The following ANK2 variants were observed in gnomAD, a reference collection of about 807,000 sequenced individuals.
The protein encoded by ANK2 is ankyrin 2, also known as ankyrin-2.
A neutral mutation model predicts 360.5 loss-of-function variants in ANK2; 83 were observed. That is an observed-to-expected ratio of 0.23 (90% CI 0.19 to 0.28). ANK2 has a LOEUF of 0.28. Ranked by LOEUF, ANK2 falls within the 10% of genes least tolerant of loss-of-function variation. ANK2 has a pLI of 1.00. For missense variants in ANK2, 4,201 were observed against 4,795.7 expected, an observed-to-expected ratio of 0.88 and a Z score of 3.66; for synonymous variants, 1,740 against 1,759.5, an observed-to-expected ratio of 0.99 and a Z score of 0.28.
intron 1 of ANK2, among the ~76,000 whole-genome samples, chr4:112,893,265 C>T (rs974981378): frequency 3.3e-5 from 5 of 152,142 alleles, no homozygotes; most frequent in African/African-American, 1.2e-4. Context: ...GAGATCCTCT[C>T]ACCTCAGCAT....
chr4:112,781,318 G>A, the ANK2 span, among the ~76,000 whole-genome samples: 7 of 151,992 alleles, frequency 4.6e-5, no homozygotes, highest in Non-Finnish European at 1.0e-4. Context: ...CAGGCTGCTC[G>A]TGAACTCCAG....
intron 1 of ANK2, among the ~76,000 whole-genome samples, chr4:112,861,963 G>A (rs936903988): frequency 2.0e-5 from 3 of 152,248 alleles, no homozygotes; most frequent in East Asian, 3.9e-4. Flanking sequence ...AAATGGCACC[G>A]AGTCCAAACC....
intron 2 of ANK2, among the ~76,000 whole-genome samples, chr4:112,957,715 G>C (rs570142961): frequency 6.7e-6 from 1 of 149,378 alleles, no homozygotes; most frequent in African/African-American, 2.5e-5. Context: ...CCTCCCTCCC[G>C]GACGGGGTGG....
the ANK2 span, among the ~76,000 whole-genome samples, chr4:112,779,492 C>G: frequency 4.6e-5 from 7 of 151,810 alleles, no homozygotes; most frequent in African/African-American, 1.7e-4. Flanking sequence ...GCACTCCAGC[C>G]TGGGCGACAG....
chr4:113,198,102 T>A (rs80018798), intron 3 of ANK2, among the ~76,000 whole-genome samples: 8,933 of 152,300 alleles, frequency 0.059, 883 homozygotes, highest in African/African-American at 0.2. Flanking sequence ...TATTTTTGCC[T>A]GCTTAAGTGT....
chr4:113,014,631 C>T (rs2055915875), intron 2 of ANK2, among the ~76,000 whole-genome samples: 1 of 152,058 alleles, frequency 6.6e-6, no homozygotes, highest in South Asian at 2.1e-4. Context: ...GCTTTGCTGG[C>T]CCAGAATCTT....
intron 1 of ANK2, among the ~76,000 whole-genome samples, chr4:113,135,672 A>G (rs889655486): frequency 1.3e-5 from 2 of 152,158 alleles, no homozygotes; most frequent in African/African-American, 4.8e-5. Flanking sequence ...TGAAATATCC[A>G]TGATGTGATC....
chr4:113,242,186 G>A lies in ANK2; in HGVS notation c.868G>A (p.Gly290Ser), dbSNP rs761620495. 31 of 1,613,710 alleles carry A rather than the reference G, an allele frequency of 1.9e-5. No homozygotes were observed. The highest frequency in any genetic ancestry group is 2.2e-5 in the South Asian group (2 of 91,068). ...NMVKLLLDRG[G>S]QIDAKTRDGL... ...GGTGAAGCTCTTACTGGATCGAGGC[G>A]GTCAGATCGATGCCAAAACTAGGGT... Residue 290 changes from glycine (G) to serine (S), a missense_variant, in exon 9 of 46, where the codon GGT (glycine) becomes AGT (serine). Transcript: ENST00000357077.
intron 2 of ANK2, among the ~76,000 whole-genome samples, chr4:112,907,715 T>C (rs575326317): frequency 6.6e-5 from 10 of 152,348 alleles, no homozygotes; most frequent in South Asian, 6.2e-4. Flanking sequence ...TAACCTAAAG[T>C]ATAAATTCTT....
At chr4:112,854,032 A>T (rs547525570) in intron 1 of ANK2, among the ~76,000 whole-genome samples, 1 of 152,222 alleles carries the variant, frequency 6.6e-6, no homozygotes, top group Non-Finnish European at 1.5e-5. Flanking sequence ...GTATAGGGAG[A>T]TGTACCTGTA....
intron 2 of ANK2, among the ~76,000 whole-genome samples, chr4:113,028,241 C>T (rs2059677556): frequency 6.6e-6 from 1 of 152,024 alleles, no homozygotes; most frequent in Admixed American, 6.6e-5. Flanking sequence ...AGAGGCTTCT[C>T]AGAGGTAATG....
At chr4:113,100,692 C>T (rs1055981681) in intron 1 of ANK2, among the ~76,000 whole-genome samples, 2 of 152,036 alleles carry the variant, frequency 1.3e-5, no homozygotes, top group African/African-American at 4.8e-5. Context: ...TTTACAGCAG[C>T]TTTATTCATA....
chr4:113,287,954 CCT>C (rs1271752777), intron 19 of ANK2, among the ~76,000 whole-genome samples: 5 of 152,204 alleles, frequency 3.3e-5, no homozygotes, highest in Admixed American at 6.5e-5. Context: ...TTAAGTCTAT[CCT>C]CTCTCTTACT....
intron 1 of ANK2, among the ~76,000 whole-genome samples, chr4:113,138,103 T>C (rs2096506021): frequency 6.6e-6 from 1 of 152,218 alleles, no homozygotes; most frequent in Admixed American, 6.5e-5. Context: ...GTATGAATAA[T>C]ATATGAAGGA....
At chr4:112,756,743 C>T in the ANK2 span, among the ~76,000 whole-genome samples, 26 of 152,248 alleles carry the variant, frequency 1.7e-4, no homozygotes, top group South Asian at 4.2e-3. Context: ...GAGGCCAAGG[C>T]GGGTGGATCC....
At chr4:112,795,517 T>C in the ANK2 span, among the ~76,000 whole-genome samples, 2 of 152,152 alleles carry the variant, frequency 1.3e-5, no homozygotes, top group African/African-American at 4.8e-5. Context: ...TTTTTTTTAT[T>C]TTCCGAGATG....
At chr4:112,810,145 ATATATATATATATATTTTTTT>A in the ANK2 span, among the ~76,000 whole-genome samples, 11,304 of 56,638 alleles carry the variant, frequency 0.2, 791 homozygotes, top group African/African-American at 0.35. Flanking sequence ...ATATATATAT[ATATATATATATATATTTTTTT>A]TTTTTTTTTT....
chr4:113,287,456 C>T (rs1026905170), intron 18 of ANK2, 149 bp from the exon 19 acceptor site: 5 of 688,676 alleles, frequency 7.3e-6, no homozygotes, highest in Non-Finnish European at 1.3e-5. Flanking sequence ...AGAGAGTTTG[C>T]CTTGAATATC....
intron 2 of ANK2, among the ~76,000 whole-genome samples, chr4:113,042,383 G>A (rs1334356172): frequency 1.3e-5 from 2 of 152,266 alleles, no homozygotes; most frequent in Admixed American, 1.3e-4. Context: ...GGACTTCTCA[G>A]CCTCTGCAGT....
Sources: gnomAD v4.1 joint callset for allele counts (sites outside exome capture counted in the v4.1 genomes callset) on GRCh38, gnomAD v4.1.1 for gene constraint, MANE v1.5 for transcripts, NCBI Gene and HGNC (gene_info 2026-07-23, HGNC 2026-07-21) for gene names.